The following GOLM2 variants were observed in gnomAD, a reference collection of about 807,000 sequenced individuals.
GOLM2 encodes the protein protein GOLM2.
GOLM2 carries 26 observed loss-of-function variants against 55.9 expected under a neutral mutation model. That is an observed-to-expected ratio of 0.47 (90% CI 0.34 to 0.65). GOLM2 has a LOEUF of 0.65. GOLM2 is among the 30% of genes least tolerant of loss of function. GOLM2 has a pLI of 0.01. For missense variants in GOLM2, 486 were observed against 531.8 expected (o/e 0.91, Z 0.85); for synonymous variants, 165 against 194.6 (o/e 0.85, Z 1.27).
At chr15:44,378,818 T>A (rs1157035469) in intron 6 of GOLM2, among the ~76,000 whole-genome samples, 1 of 151,360 alleles carries the variant, frequency 6.6e-6, no homozygotes, top group African/African-American at 2.4e-5. Flanking sequence ...CGATCTCAGC[T>A]CACTGCAACT....
At chr15:44,390,778 G>C (rs963875376) in intron 8 of GOLM2, among the ~76,000 whole-genome samples, 1 of 151,692 alleles carries the variant, frequency 6.6e-6, no homozygotes, top group East Asian at 1.9e-4. Flanking sequence ...CATGTTGGTC[G>C]GGCTGGTCTC....
Position 44,288,788 on chromosome 15 carries a change from C to A in GOLM2, c.-242C>A. The A allele has an allele frequency of 1.9e-6, 1 of 530,672 alleles. No individual in the cohort carries two copies. The highest frequency in any genetic ancestry group is 2.5e-5 in the South Asian group (1 of 39,790). 32.9% of individuals were successfully genotyped at this position (530,672 alleles called of 1,614,324 possible). The stretch of plus-strand genomic sequence containing the variant: ...GCTGGGTTCTCCCGGTTCCCTTGGG[C>A]AGGTGCAGGGTCGGGTTCAAAGCCT... On this transcript the variant is annotated 5_prime_UTR_variant, in exon 1 of 10. Transcript: ENST00000299957.
intron 6 of GOLM2, among the ~76,000 whole-genome samples, chr15:44,342,533 C>T (rs147348752): frequency 8.7e-4 from 133 of 152,340 alleles, no homozygotes; most frequent in African/African-American, 3.1e-3. Context: ...TCCCAAAGCA[C>T]TGCAACTACA....
At chr15:44,381,402 C>T (rs1595659707) in intron 8 of GOLM2, among the ~76,000 whole-genome samples, 1 of 152,288 alleles carries the variant, frequency 6.6e-6, no homozygotes, top group Non-Finnish European at 1.5e-5. Flanking sequence ...GTAGATTGCT[C>T]AATACTGCTT....
chr15:44,307,392 T>G (rs1345172768), intron 1 of GOLM2: 1 of 152,172 alleles, frequency 6.6e-6, no homozygotes, highest in African/African-American at 2.4e-5. Context: ...TTCTGTATTT[T>G]TAGTAGAGAT....
chr15:44,311,988 G>A (rs2078878274), intron 1 of GOLM2, among the ~76,000 whole-genome samples: 1 of 152,130 alleles, frequency 6.6e-6, no homozygotes, highest in Non-Finnish European at 1.5e-5. Flanking sequence ...TTTAAAGTTT[G>A]TGAACTTCAA....
chr15:44,331,968 AG>A lies in GOLM2; in HGVS notation c.486-19del. 6.6e-7 allele frequency: 1 copy of A among 1,506,478 alleles called. No homozygotes were observed. The allele number at this position is 1,506,478 out of a possible 1,614,324, so 93.3% of individuals were successfully genotyped here. ...CCAATCCAAGATAATATAATCTAAA[AG>A]AATGACTTTGTAATTTAGTTTTCAG... On this transcript the variant is annotated intron_variant, in intron 3 of 9. Coordinates refer to ENST00000299957, the MANE Select transcript of GOLM2 (RefSeq NM_138423.4).
chr15:44,397,072 C>T (rs968595510), intron 8 of GOLM2, among the ~76,000 whole-genome samples: 1 of 152,124 alleles, frequency 6.6e-6, no homozygotes, highest in African/African-American at 2.4e-5. Flanking sequence ...TACTTTATTA[C>T]TCCCCTAGCT....
intron 6 of GOLM2, among the ~76,000 whole-genome samples, chr15:44,346,313 G>GA (rs924826100): frequency 2.1e-4 from 30 of 145,398 alleles, no homozygotes; most frequent in African/African-American, 3.0e-4. Context: ...TGGGGAGCTT[G>GA]AAAAAAAAAA....
At chr15:44,341,274 G>T (rs2079088965) in intron 6 of GOLM2, among the ~76,000 whole-genome samples, 1 of 151,790 alleles carries the variant, frequency 6.6e-6, no homozygotes, top group Non-Finnish European at 1.5e-5. Context: ...CAGAGACGGG[G>T]TTTCACCATG....
intron 8 of GOLM2, among the ~76,000 whole-genome samples, chr15:44,399,852 G>A (rs945781169): frequency 1.3e-5 from 2 of 151,954 alleles, no homozygotes; most frequent in Non-Finnish European, 2.9e-5. Flanking sequence ...AAAATTAGCC[G>A]GGCATGGTGG....
At chr15:44,359,985 T>C (rs2079225792) in intron 6 of GOLM2, among the ~76,000 whole-genome samples, 1 of 150,786 alleles carries the variant, frequency 6.6e-6, no homozygotes, top group African/African-American at 2.4e-5. Flanking sequence ...TAAAATACTT[T>C]ACAGACAAGC....
chr15:44,408,050 T>C (rs575881973), intron 9 of GOLM2, among the ~76,000 whole-genome samples: 216 of 152,212 alleles, frequency 1.4e-3, no homozygotes, highest in Non-Finnish European at 2.8e-3. Flanking sequence ...CACCCAGCCA[T>C]GGTAGCGCTT....
At chr15:44,349,306 G>A (rs1159097096) in intron 6 of GOLM2, among the ~76,000 whole-genome samples, 5 of 149,190 alleles carry the variant, frequency 3.4e-5, no homozygotes, top group Non-Finnish European at 5.9e-5. Flanking sequence ...AAAGGGATGA[G>A]AAAAGATGTT....
At chr15:44,364,781 A>C (rs1221581552) in intron 6 of GOLM2, among the ~76,000 whole-genome samples, 1 of 152,150 alleles carries the variant, frequency 6.6e-6, no homozygotes, top group Non-Finnish European at 1.5e-5. Flanking sequence ...AGGCATAAAA[A>C]TGGCAAACAT....
intron 9 of GOLM2, among the ~76,000 whole-genome samples, chr15:44,408,846 C>A (rs2004646): frequency 5.3e-5 from 8 of 152,162 alleles, no homozygotes; most frequent in Non-Finnish European, 1.0e-4. Context: ...AGCCTGTAGT[C>A]CCAGCTACTG....
In GOLM2 at chr15:44,415,224, G is replaced by A. The variant is rs554967998; in HGVS notation, c.*1818G>A. The A allele has an allele frequency of 9.7e-4, 148 of 152,622 alleles. 2 individuals are homozygous for A. The highest frequency in any genetic ancestry group is 3.4e-3 in the African/African-American group (142 of 41,522). The allele number at this position is 152,622 out of a possible 1,614,324, so 9.5% of individuals were successfully genotyped here. A position where few individuals can be genotyped will look rare whatever the true frequency, so the allele number is the denominator to read the frequency against. ...AATTAAACAATTCATGCCTTTATAG[G>A]GTCAGGCCTACAATGAATAGGTATG... On this transcript the variant is annotated 3_prime_UTR_variant, in exon 10 of 10. Transcript: ENST00000299957.
intron 1 of GOLM2, among the ~76,000 whole-genome samples, chr15:44,302,218 C>T (rs549893206): frequency 9.4e-5 from 14 of 149,714 alleles, no homozygotes; most frequent in Non-Finnish European, 1.9e-4. Flanking sequence ...GATCTTGGCT[C>T]ACTGCAACCT....
chr15:44,311,436 T>G (rs572725597), intron 1 of GOLM2, among the ~76,000 whole-genome samples: 20 of 152,280 alleles, frequency 1.3e-4, no homozygotes, highest in Admixed American at 8.5e-4. Context: ...CAAATGAAAT[T>G]CAGGACATGA....
Sources: allele counts gnomAD v4.1 joint callset (sites outside exome capture counted in the v4.1 genomes callset), GRCh38; gene constraint gnomAD v4.1.1; transcripts MANE v1.5; gene names NCBI Gene and HGNC (gene_info 2026-07-23, HGNC 2026-07-21).